SUMO3: variants seen among roughly 807,000 people sequenced by gnomAD.
SUMO3 encodes the protein small ubiquitin-related modifier 3.
In SUMO3, 2 loss-of-function variants were observed where a neutral mutation model predicts 11.1. The ratio of observed to expected loss-of-function variants is 0.18; its 90% CI spans 0.07 to 0.57. SUMO3 has a LOEUF of 0.57. Among genes scored for constraint, SUMO3 ranks in the 20% least tolerant of loss-of-function variants. SUMO3 has a pLI of 0.92. For missense variants in SUMO3, 70 were observed against 132.8 expected (o/e 0.53, Z 2.32); for synonymous variants, 56 against 53.5 (o/e 1.05, Z -0.20).
chr21:44,808,816 G>A (rs554117698), intron 3 of SUMO3, among the ~76,000 whole-genome samples: 15 of 152,178 alleles, frequency 9.9e-5, no homozygotes, highest in South Asian at 2.1e-4. Context: ...CAGTGAGGAC[G>A]GGCCCAGCAC....
intron 1 of SUMO3, among the ~76,000 whole-genome samples, chr21:44,816,164 A>C (rs576623416): frequency 6.6e-6 from 1 of 152,258 alleles, no homozygotes; most frequent in South Asian, 2.1e-4. Flanking sequence ...GGCAGAGCTA[A>C]GTGTAAATAC....
chr21:44,817,179 G>T (rs2083250119), intron 1 of SUMO3, among the ~76,000 whole-genome samples: 1 of 147,494 alleles, frequency 6.8e-6, no homozygotes, highest in East Asian at 2.0e-4. Context: ...TGATGGGGAG[G>T]CGTGGGCGTA....
At chr21:44,815,512 C>A (rs542116484) in intron 1 of SUMO3, among the ~76,000 whole-genome samples, 1 of 152,342 alleles carries the variant, frequency 6.6e-6, no homozygotes, top group Non-Finnish European at 1.5e-5. Context: ...ATCTCCCCAT[C>A]CCGAATGTGG....
intron 1 of SUMO3, among the ~76,000 whole-genome samples, chr21:44,815,493 C>G (rs76299308): frequency 0.11 from 16,787 of 152,268 alleles, 1,226 homozygotes; most frequent in Middle Eastern, 0.22. Context: ...GGTGAGCTGG[C>G]ACACCCCCAT....
intron 1 of SUMO3, among the ~76,000 whole-genome samples, chr21:44,817,343 C>A (rs2083251917): frequency 6.6e-6 from 1 of 151,510 alleles, no homozygotes; most frequent in Non-Finnish European, 1.5e-5. Context: ...CTGGGGGACG[C>A]GATGGCCGGG....
rs541458405 is a variant in SUMO3 at position 44,810,241 on chromosome 21, A to G, written c.151-1123T>C. On this transcript the variant is annotated intron_variant, in intron 2 of 3. Coordinates refer to ENST00000332859, the MANE Select transcript of SUMO3 (RefSeq NM_006936.3). The surrounding 1 kb of genome is among the most constrained non-coding windows in gnomAD (Gnocchi z 4.1). ...AAATGAAGTAAATGAAAAAGGCACA[A>G]ACAGGAAGGACAAAGAAAACGGGAG... Among the ~76,000 whole-genome samples the G allele has an allele frequency of 1.3e-5, 2 of 152,362 alleles. No individual in the cohort carries two copies. Among genetic ancestry groups the G allele is most frequent in the East Asian group, 3.9e-4 (2 of 5,188 alleles).
In SUMO3 at chr21:44,811,056, CCACACATACACA is replaced by C. The variant is rs1569308291; in HGVS notation, c.151-1950_151-1939del. On this transcript the variant is annotated intron_variant, in intron 2 of 3. Coordinates refer to ENST00000332859, the MANE Select transcript of SUMO3 (RefSeq NM_006936.3). The surrounding 1 kb of genome is among the most constrained non-coding windows in gnomAD (Gnocchi z 5.0). Reference sequence around the variant, plus strand: ...CACCCACATACACACACGCACACACCCACACATACACACACACGAATGCACACATGCACACAC... The same window carrying C: ...CACCCACATACACACACGCACACACCCACACGAATGCACACATGCACACAC... Among the ~76,000 whole-genome samples, 3 of 135,752 alleles carry C rather than the reference CCACACATACACA, an allele frequency of 2.2e-5. No homozygotes were observed. The highest frequency in any genetic ancestry group is 3.2e-5 in the Non-Finnish European group (2 of 62,164). 89.1% of individuals were successfully genotyped at this position (135,752 alleles called of 152,430 possible).
intron 3 of SUMO3, 45 bp downstream of exon 3, chr21:44,809,002 A>C (rs757355739): frequency 3.8e-6 from 6 of 1,559,296 alleles, no homozygotes; most frequent in Admixed American, 3.3e-5. Flanking sequence ...GTTACCCCGC[A>C]CAAATCGGAA....
At chr21:44,817,702 G>A (rs1441875044) in intron 1 of SUMO3, among the ~76,000 whole-genome samples, 5 of 150,804 alleles carry the variant, frequency 3.3e-5, no homozygotes, top group Admixed American at 1.3e-4. Flanking sequence ...CAGCTGGGGA[G>A]GAGACGGGCG....
In SUMO3 at chr21:44,807,186, A is replaced by C; in HGVS notation, c.223-146T>G. On this transcript the variant is annotated intron_variant, in intron 3 of 3. Transcript: ENST00000332859. The surrounding 1 kb of genome is among the most constrained non-coding windows in gnomAD (Gnocchi z 4.3). ...CACCTTGGCTCTTGTCCGTCCCCTCACTGCAGCTCAGCACGCATGGAAGAG... is the reference window on the plus strand; with the variant it reads ...CACCTTGGCTCTTGTCCGTCCCCTCCCTGCAGCTCAGCACGCATGGAAGAG... The C allele has an allele frequency of 1.0e-6, 1 of 958,160 alleles. No homozygotes were observed. The highest frequency in any genetic ancestry group is 1.5e-6 in the Non-Finnish European group (1 of 649,662). 59.4% of individuals were successfully genotyped at this position (958,160 alleles called of 1,614,324 possible). A position where few individuals can be genotyped will look rare whatever the true frequency, so the allele number is the denominator to read the frequency against.
intron 2 of SUMO3, among the ~76,000 whole-genome samples, chr21:44,809,659 C>T (rs1250662338): frequency 6.6e-6 from 1 of 152,232 alleles, no homozygotes; most frequent in African/African-American, 2.4e-5. Flanking sequence ...TAACACGTCA[C>T]AGTGACGCTA....
intron 2 of SUMO3, among the ~76,000 whole-genome samples, chr21:44,812,572 G>A (rs1569308728): frequency 6.6e-6 from 1 of 152,198 alleles, no homozygotes; most frequent in Non-Finnish European, 1.5e-5. Context: ...ACAAGACCCT[G>A]GAGGATGTGC....
Position 44,806,826 on chromosome 21 carries a change from A to G in SUMO3, c.*125T>C. The G allele has an allele frequency of 6.7e-7, 1 of 1,484,654 alleles. No individual in the cohort carries two copies. Among genetic ancestry groups the G allele is most frequent in the Non-Finnish European group, 9.0e-7 (1 of 1,110,556 alleles). The allele number at this position is 1,484,654 out of a possible 1,614,324, so 92.0% of individuals were successfully genotyped here. A position where few individuals can be genotyped will look rare whatever the true frequency, so the allele number is the denominator to read the frequency against. On this transcript the variant is annotated 3_prime_UTR_variant, in exon 4 of 4. Transcript: ENST00000332859. Reference sequence around the variant, plus strand: ...TTGAGTTGCACTTGAAGTACATCAAAGAGAGGAAAATCATCGTGGTGAATG... The same window carrying G: ...TTGAGTTGCACTTGAAGTACATCAAGGAGAGGAAAATCATCGTGGTGAATG...
In SUMO3 at chr21:44,807,698, C is replaced by T. The variant is rs1446829402; in HGVS notation, c.223-658G>A. The stretch of plus-strand genomic sequence containing the variant: ...CAGCAAGGCTGGAAGTAGTCATGCT[C>T]CCAGATGGAAAGGAGTCCCATCAGG... On this transcript the variant is annotated intron_variant, in intron 3 of 3. Coordinates refer to ENST00000332859, the MANE Select transcript of SUMO3 (RefSeq NM_006936.3). This position sits in a 1 kb window ranked among gnomAD's most constrained non-coding sequence, Gnocchi z 4.3. Among the ~76,000 whole-genome samples, 2 of 152,240 alleles carry T rather than the reference C, an allele frequency of 1.3e-5. No homozygotes were observed. The highest frequency in any genetic ancestry group is 4.8e-5 in the African/African-American group (2 of 41,462).
chr21:44,815,013 G>T (rs1453521007), intron 1 of SUMO3, among the ~76,000 whole-genome samples: 1 of 152,244 alleles, frequency 6.6e-6, no homozygotes, highest in East Asian at 1.9e-4. Flanking sequence ...CTGGGATAAA[G>T]TCGTTTGTGA....
intron 3 of SUMO3, chr21:44,808,457 G>C: frequency 7.1e-7 from 1 of 1,415,782 alleles, no homozygotes; most frequent in Non-Finnish European, 9.3e-7. Flanking sequence ...AGCTTGCACA[G>C]TGAGCTGAGA....
At chr21:44,808,193 C>T (rs879690475) in intron 3 of SUMO3, 24 of 185,282 alleles carry the variant, frequency 1.3e-4, no homozygotes, top group Non-Finnish European at 2.2e-4. Context: ...ATGACAAGAG[C>T]TGCAACTTGA....
intron 2 of SUMO3, chr21:44,813,668 TCA>T (rs2083226415): frequency 1.3e-6 from 1 of 755,554 alleles, no homozygotes; most frequent in Non-Finnish European, 2.1e-6. Flanking sequence ...GCCTTCAGCA[TCA>T]CAGACTTCAC....
chr21:44,816,189 A>G (rs543514762), intron 1 of SUMO3, among the ~76,000 whole-genome samples: 1 of 152,354 alleles, frequency 6.6e-6, no homozygotes, highest in African/African-American at 2.4e-5. Context: ...GAGAAAATTA[A>G]TATCATATGT....
Sources: gnomAD v4.1 joint callset for allele counts (sites outside exome capture counted in the v4.1 genomes callset) on GRCh38, gnomAD v4.1.1 for gene constraint, Gnocchi (gnomAD v3.1) non-coding constraint, MANE v1.5 for transcripts, NCBI Gene and HGNC (gene_info 2026-07-23, HGNC 2026-07-21) for gene names.